The following RTF2 variants were observed in gnomAD, a reference collection of about 807,000 sequenced individuals.
The protein encoded by RTF2 is replication termination factor 2, also known as UPF0549 protein C20orf43.
In RTF2, 18 loss-of-function variants were observed where a neutral mutation model predicts 38.0. The ratio of observed to expected loss-of-function variants is 0.47; its 90% confidence interval spans 0.33 to 0.70. The LOEUF is 0.70. Among genes scored for constraint, RTF2 ranks in the 30% least tolerant of loss-of-function variants. The pLI, the probability that RTF2 is intolerant of heterozygous loss-of-function variation, is 0.02. For missense variants in RTF2, 311 were observed against 379.6 expected (o/e 0.82, Z 1.50); for synonymous variants, 126 against 137.1 (o/e 0.92, Z 0.57).
At chr20:56,492,693 CACAGTA>C (rs1983238794) in intron 5 of RTF2, among the ~76,000 whole-genome samples, 1 of 152,014 alleles carries the variant, frequency 6.6e-6, no homozygotes, top group Admixed American at 6.6e-5. Context: ...TTTTAATTCT[CACAGTA>C]ACACTCTGAA....
At chr20:56,513,635 G>A (rs115757300) in intron 6 of RTF2, among the ~76,000 whole-genome samples, 3,615 of 152,214 alleles carry the variant, frequency 0.024, 152 homozygotes, top group African/African-American at 0.082. Flanking sequence ...GCTCTTCCCC[G>A]CCGAGCTTTC....
At chr20:56,506,657 T>A (rs1984290710) in intron 5 of RTF2, among the ~76,000 whole-genome samples, 1 of 152,196 alleles carries the variant, frequency 6.6e-6, no homozygotes, top group Admixed American at 6.5e-5. Context: ...TTTTCTACAT[T>A]GCCCCAAACT....
chr20:56,508,781 T>C (rs1359823561), intron 5 of RTF2, among the ~76,000 whole-genome samples: 1 of 152,146 alleles, frequency 6.6e-6, no homozygotes, highest in Non-Finnish European at 1.5e-5. Context: ...GAAAGAATAG[T>C]TTTTTCAACA....
chr20:56,510,974 CTA>C (rs990028776), intron 5 of RTF2, among the ~76,000 whole-genome samples: 14 of 151,736 alleles, frequency 9.2e-5, no homozygotes, highest in African/African-American at 3.2e-4. Context: ...GTTTACATGA[CTA>C]TGAGTATGTT....
intron 5 of RTF2, among the ~76,000 whole-genome samples, chr20:56,489,780 C>G (rs976264422): frequency 1.8e-4 from 27 of 152,258 alleles, no homozygotes; most frequent in African/African-American, 5.8e-4. Flanking sequence ...AAGATGTAAT[C>G]TTTTTTATTG....
chr20:56,509,176 A>G (rs6024919), intron 5 of RTF2, among the ~76,000 whole-genome samples: 122,791 of 152,200 alleles, frequency 0.81, 49,743 homozygotes, highest in East Asian at 0.99. Context: ...GAAATGGACC[A>G]GGGATTTAAG....
intron 5 of RTF2, among the ~76,000 whole-genome samples, chr20:56,485,351 G>A (rs1192995274): frequency 6.6e-6 from 1 of 152,210 alleles, no homozygotes; most frequent in Non-Finnish European, 1.5e-5. Flanking sequence ...GAAAGTGTGA[G>A]AGTGGAGGGC....
At chr20:56,495,529 A>C (rs1600814011) in intron 5 of RTF2, among the ~76,000 whole-genome samples, 1 of 152,202 alleles carries the variant, frequency 6.6e-6, no homozygotes, top group East Asian at 1.9e-4. Flanking sequence ...AGGTGGACCA[A>C]GGTTGGGGAT....
intron 5 of RTF2, among the ~76,000 whole-genome samples, chr20:56,485,527 C>T (rs180728066): frequency 9.2e-5 from 14 of 152,184 alleles, no homozygotes; most frequent in Non-Finnish European, 7.4e-5. Context: ...AAATCCTAGA[C>T]GTGGAGGAGG....
At chr20:56,497,498 A>G (rs1983631048) in intron 5 of RTF2, 3 of 1,486,226 alleles carry the variant, frequency 2.0e-6, no homozygotes, top group Non-Finnish European at 2.7e-6. Flanking sequence ...CTGGTTGGGC[A>G]GGTTCTTCTT....
rs532369551 is a variant in RTF2, at chr20:56,502,196, C to T, written c.478-11119C>T. Among the ~76,000 whole-genome samples, 224 of 152,184 alleles carry T rather than the reference C, an allele frequency of 1.5e-3. 1 individual carries two copies. Among genetic ancestry groups the T allele is most frequent in the Non-Finnish European group, 2.7e-3 (181 of 68,012 alleles). On this transcript the variant is annotated intron_variant, in intron 5 of 8. Transcript: ENST00000357348. The stretch of plus-strand genomic sequence containing the variant: ...CAAGGATGGTGGTTAACTTTTTTCC[C>T]GTTTATGTAGTGCCAGAATCTGCAC...
At chr20:56,471,203 G>A (rs1052020984) in intron 1 of RTF2, among the ~76,000 whole-genome samples, 1 of 152,218 alleles carries the variant, frequency 6.6e-6, no homozygotes, top group Non-Finnish European at 1.5e-5. Context: ...ATTGGTTGGT[G>A]TGGGGAAAAT....
chr20:56,505,112 T>C (rs1190241218), intron 5 of RTF2, among the ~76,000 whole-genome samples: 2 of 152,170 alleles, frequency 1.3e-5, no homozygotes. Flanking sequence ...GGTTAGGTCC[T>C]TTTATGTGTG....
intron 5 of RTF2, among the ~76,000 whole-genome samples, chr20:56,509,198 C>A (rs1015938523): frequency 6.6e-6 from 1 of 152,160 alleles, no homozygotes; most frequent in African/African-American, 2.4e-5. Context: ...AGACATTTCT[C>A]CAGAGAAGGT....
At chr20:56,509,988 C>CAA (rs202154296) in intron 5 of RTF2, among the ~76,000 whole-genome samples, 1 of 134,794 alleles carries the variant, frequency 7.4e-6, no homozygotes, top group Non-Finnish European at 1.6e-5. Context: ...AATCCAGTCA[C>CAA]AAAAAAAAAA....
In RTF2 at chr20:56,498,494, C is replaced by CAA. The variant is rs764601451; in HGVS notation, c.477+14318_477+14319dup. 4.0e-3 allele frequency among the ~76,000 whole-genome samples: 464 copies of CAA among 114,760 alleles called. 3 individuals are homozygous for CAA. The highest frequency in any genetic ancestry group is 0.014 in the African/African-American group (429 of 30,978). 75.3% of individuals were successfully genotyped at this position (114,760 alleles called of 152,430 possible). A position where few individuals can be genotyped will look rare whatever the true frequency, so the allele number is the denominator to read the frequency against. The stretch of plus-strand genomic sequence containing the variant: ...GGTGACAGAGTGAGACCGTGTCTCC[C>CAA]AAAAAAAAAAAAAAGTTTCTGAATT... On this transcript the variant is annotated intron_variant, in intron 5 of 8. Transcript: ENST00000357348.
chr20:56,505,800 A>AC (rs1984227833), intron 5 of RTF2, among the ~76,000 whole-genome samples: 1 of 152,178 alleles, frequency 6.6e-6, no homozygotes, highest in African/African-American at 2.4e-5. Flanking sequence ...TAATAAATGG[A>AC]CAAAGGGTAA....
chr20:56,485,068 C>T (rs1982720783), intron 5 of RTF2, among the ~76,000 whole-genome samples: 1 of 152,120 alleles, frequency 6.6e-6, no homozygotes, highest in East Asian at 1.9e-4. Flanking sequence ...TCCTGCATCC[C>T]ACATTCTGAT....
chr20:56,512,694 T>A (rs895822821), intron 5 of RTF2, among the ~76,000 whole-genome samples: 2 of 152,200 alleles, frequency 1.3e-5, no homozygotes, highest in African/African-American at 4.8e-5. Context: ...TGTATTCAAC[T>A]AACATTCACT....
Sources: allele counts gnomAD v4.1 joint callset (sites outside exome capture counted in the v4.1 genomes callset), GRCh38; gene constraint gnomAD v4.1.1; transcripts MANE v1.5; gene names NCBI Gene and HGNC (gene_info 2026-07-23, HGNC 2026-07-21).